Variants in NPAS2 observed in about 807,000 individuals in gnomAD.
The protein encoded by NPAS2 is neuronal PAS domain-containing protein 2.
NPAS2 carries 23 observed loss-of-function variants against 107.5 expected under a neutral mutation model. That is an observed-to-expected ratio of 0.21 (90% CI 0.15 to 0.30). The LOEUF (loss-of-function observed/expected upper bound fraction) is 0.30, where lower values mean the gene tolerates loss of function less well. Among genes scored for constraint, NPAS2 ranks in the 10% least tolerant of loss-of-function variants. The pLI, the probability that NPAS2 is intolerant of heterozygous loss-of-function variation, is 1.00. For synonymous variants in NPAS2, 403 were observed against 417.5 expected, an observed-to-expected ratio of 0.97 and a Z score of 0.42; for missense variants, 756 against 1,043.3, an observed-to-expected ratio of 0.72 and a Z score of 3.79.
At chr2:100,823,249 G>A (rs965697731) in intron 1 of NPAS2, among the ~76,000 whole-genome samples, 2 of 152,146 alleles carry the variant, frequency 1.3e-5, no homozygotes, top group African/African-American at 4.8e-5. Flanking sequence ...TTAAATATGA[G>A]CGTATGTTTA....
At chr2:100,890,292 G>A (rs1680968097) in intron 1 of NPAS2, among the ~76,000 whole-genome samples, 2 of 152,194 alleles carry the variant, frequency 1.3e-5, no homozygotes, top group Admixed American at 1.3e-4. Flanking sequence ...CTCTCAGCTG[G>A]CCTCAGGGCC....
intron 1 of NPAS2, among the ~76,000 whole-genome samples, chr2:100,880,871 C>G (rs543941712): frequency 6.6e-6 from 1 of 152,264 alleles, no homozygotes; most frequent in East Asian, 1.9e-4. Flanking sequence ...GGAGGGAGAG[C>G]AGTATTTTTG....
At chr2:100,929,879 G>A (rs1003536431) in intron 3 of NPAS2, among the ~76,000 whole-genome samples, 2 of 152,096 alleles carry the variant, frequency 1.3e-5, no homozygotes, top group African/African-American at 4.8e-5. Context: ...AGATGATTAG[G>A]TCCAAGTAGT....
intron 19 of NPAS2, among the ~76,000 whole-genome samples, chr2:100,992,931 T>C (rs898926392): frequency 7.3e-6 from 1 of 136,272 alleles, no homozygotes; most frequent in Non-Finnish European, 1.5e-5. Context: ...CAAAAGTTTC[T>C]TTTTTTTTTT....
intron 12 of NPAS2, chr2:100,972,752 C>G (rs551371249): frequency 1.3e-5 from 2 of 152,342 alleles, no homozygotes; most frequent in African/African-American, 4.8e-5. Context: ...GTTAGACACA[C>G]CATACATCAT....
At position 100,853,718 on chromosome 2, in the gene NPAS2, G is replaced by A. The variant is rs181090877; in HGVS notation, c.-23+33304G>A. On this transcript the variant is annotated intron_variant, in intron 1 of 20. Transcript: ENST00000335681. ...GGCAGTGAGGTAAGACGGTGGACAC[G>A]TGGAGGAGAACAAAGGGGAGCCCCA... Among the ~76,000 whole-genome samples the A allele has an allele frequency of 1.9e-4, 29 of 152,250 alleles. No individual in the cohort carries two copies. In the East Asian group the frequency reaches 2.3e-3, roughly 12 times the overall value.
intron 1 of NPAS2, among the ~76,000 whole-genome samples, chr2:100,888,410 G>A (rs940191598): frequency 6.6e-6 from 1 of 152,108 alleles, no homozygotes; most frequent in African/African-American, 2.4e-5. Flanking sequence ...TAGTAGGGTA[G>A]AAAGTGTTGG....
intron 7 of NPAS2, among the ~76,000 whole-genome samples, chr2:100,951,387 T>G (rs1675214824): frequency 6.6e-6 from 1 of 152,208 alleles, no homozygotes; most frequent in African/African-American, 2.4e-5. Context: ...TGCACACCTG[T>G]GTTCATAGCA....
intron 3 of NPAS2, among the ~76,000 whole-genome samples, chr2:100,929,007 G>T (rs1185667351): frequency 6.6e-6 from 1 of 152,154 alleles, no homozygotes; most frequent in African/African-American, 2.4e-5. Flanking sequence ...AGGTTCAAGC[G>T]ATTCTCCTGC....
chr2:100,853,362 T>C lies in NPAS2; in HGVS notation c.-23+32948T>C, dbSNP rs544109426. 2.0e-5 allele frequency among the ~76,000 whole-genome samples: 3 copies of C among 152,344 alleles called. No homozygotes were observed. The East Asian group carries it at 5.8e-4, about 29-fold the overall frequency. ...TTGCTCAGTAAATTGTGCTCTACGA[T>C]GGAGTCAAGGCCAGATTGGGCTCTA... On this transcript the variant is annotated intron_variant, in intron 1 of 20. Coordinates refer to ENST00000335681, the MANE Select transcript of NPAS2 (RefSeq NM_002518.4).
chr2:100,993,347 G>T lies in NPAS2; in HGVS notation c.2112G>T (p.Lys704Asn). Residue 704 changes from lysine (K) to asparagine (N), a missense_variant and splice_region_variant, in exon 20 of 21, where the codon AAG becomes AAT. By Grantham distance (94) the Lys-to-Asn change is moderately conservative (BLOSUM62 0). This residue lies in a region of NPAS2 where 496 missense variants were observed against 594.4 expected (regional missense o/e 0.83). Coordinates refer to ENST00000335681, the MANE Select transcript of NPAS2 (RefSeq NM_002518.4). ...GTTTTCTCCTTCCCACGTGAAACAG[G>T]TACGCCCAGAGCCAGACCGTGTTTC... is the stretch of plus-strand genomic sequence containing the variant. ...SEVSRTGRQV[K>N]YAQSQTVFQN... 6.3e-7 allele frequency: 1 copy of T among 1,579,160 alleles called. No individual in the cohort carries two copies.
At chr2:100,977,868 T>G in intron 15 of NPAS2, 69 bp downstream of exon 15, 1 of 1,325,586 alleles carries the variant, frequency 7.5e-7, no homozygotes, top group Non-Finnish European at 1.1e-6. Flanking sequence ...GCGCTGATGG[T>G]CTTGTACACT....
intron 2 of NPAS2, among the ~76,000 whole-genome samples, chr2:100,922,838 G>A (rs1193510869): frequency 1.3e-5 from 2 of 152,144 alleles, no homozygotes; most frequent in Non-Finnish European, 2.9e-5. Context: ...TGTCACTAAC[G>A]ATAGGAGCCT....
chr2:100,925,998 A>G (rs542822662), intron 3 of NPAS2, among the ~76,000 whole-genome samples: 19 of 152,116 alleles, frequency 1.2e-4, no homozygotes, highest in African/African-American at 4.1e-4. Context: ...GTCTCCATCA[A>G]TTCCCCTATT....
rs550234115 is a variant in NPAS2 at position 100,975,849 on chromosome 2, C to T, written c.1392+282C>T. 11 of 346,744 alleles carry T rather than the reference C, an allele frequency of 3.2e-5. No homozygotes were observed. The South Asian group carries it at 4.1e-4, about 13-fold the overall frequency. 21.5% of individuals were successfully genotyped at this position (346,744 alleles called of 1,614,324 possible). On this transcript the variant is annotated intron_variant, in intron 14 of 20. Coordinates refer to ENST00000335681, the MANE Select transcript of NPAS2 (RefSeq NM_002518.4). ...GCAAACCCGGGGTCATACCCTCATA[C>T]CCCCAGAGCCCCTGGGGCTACACAA...
At chr2:100,917,557 A>G (rs1279728420) in intron 2 of NPAS2, among the ~76,000 whole-genome samples, 1 of 152,122 alleles carries the variant, frequency 6.6e-6, no homozygotes, top group Non-Finnish European at 1.5e-5. Context: ...TAAAAGTTCA[A>G]TAAAATTGGT....
At chr2:100,966,290 T>TG (rs1243522176) in intron 10 of NPAS2, among the ~76,000 whole-genome samples, 1 of 152,050 alleles carries the variant, frequency 6.6e-6, no homozygotes, top group East Asian at 1.9e-4. Flanking sequence ...CACAGCATAC[T>TG]GGGGGACTCA....
chr2:100,835,006 C>T (rs772693857), intron 1 of NPAS2, among the ~76,000 whole-genome samples: 10 of 152,194 alleles, frequency 6.6e-5, no homozygotes, highest in Non-Finnish European at 1.2e-4. Context: ...TGAGCCACTG[C>T]GCCTGGCCCC....
rs781095399 is a variant in NPAS2 at position 100,925,316 on chromosome 2, GT to G, written c.181+30del. ...AATGGTAAAGGTCACCCTTCTCTCT[GT>G]TTTTTTTCCACCCTGCCCCGTCCAT... On this transcript the variant is annotated intron_variant, in intron 3 of 20. Coordinates refer to ENST00000335681, the MANE Select transcript of NPAS2 (RefSeq NM_002518.4). 1.9e-6 allele frequency: 3 copies of G among 1,604,156 alleles called. No individual in the cohort carries two copies. In the East Asian group the frequency reaches 6.7e-5, roughly 36 times the overall value.
Sources: gnomAD v4.1 joint callset for allele counts (sites outside exome capture counted in the v4.1 genomes callset) on GRCh38, gnomAD v4.1.1 for gene constraint, gnomAD v4.1.1 regional missense constraint, MANE v1.5 for transcripts, NCBI Gene and HGNC (gene_info 2026-07-23, HGNC 2026-07-21) for gene names.